The following NDE1 variants were observed in gnomAD, a reference collection of about 807,000 sequenced individuals.
NDE1 encodes the protein nudE neurodevelopment protein 1.
NDE1 carries 28 observed loss-of-function variants against 43.4 expected under a neutral mutation model. That is an observed-to-expected ratio of 0.65 (90% CI 0.48 to 0.89). NDE1 has a LOEUF of 0.89. Ranked by LOEUF, NDE1 falls within the 40% of genes least tolerant of loss-of-function variation. The pLI, the probability that NDE1 is intolerant of heterozygous loss-of-function variation, is 0.00. For synonymous variants in NDE1, 184 were observed against 172.0 expected, an observed-to-expected ratio of 1.07 and a Z score of -0.55; for missense variants, 441 against 434.1, an observed-to-expected ratio of 1.02 and a Z score of -0.14.
At chr16:15,655,424 C>A (rs1299917907) in intron 1 of NDE1, among the ~76,000 whole-genome samples, 2 of 152,294 alleles carry the variant, frequency 1.3e-5, no homozygotes, top group South Asian at 4.1e-4. Flanking sequence ...GGATTACAGG[C>A]GTGAGCCATC....
intron 8 of NDE1, chr16:15,702,212 C>G (rs887275177): frequency 1.3e-5 from 2 of 152,174 alleles, no homozygotes; most frequent in Admixed American, 6.5e-5. Flanking sequence ...TGAACAGAGC[C>G]TTTGCAGGCA....
intron 4 of NDE1, chr16:15,686,451 C>A (rs551528913): frequency 3.0e-6 from 3 of 985,408 alleles, no homozygotes; most frequent in Non-Finnish European, 3.6e-6. Context: ...GTGAGCAGGG[C>A]AGCTGGGCTG....
intron 7 of NDE1, chr16:15,695,821 C>A: frequency 3.5e-6 from 2 of 565,908 alleles, no homozygotes; most frequent in Non-Finnish European, 4.5e-6. Context: ...TATAGAGAAG[C>A]CTGGGGTGCT....
chr16:15,673,447 T>A (rs1221032356), intron 3 of NDE1, among the ~76,000 whole-genome samples: 1 of 152,030 alleles, frequency 6.6e-6, no homozygotes. Flanking sequence ...TCAAGTGATC[T>A]GCCCGCCTTG....
upstream of NDE1, among the ~76,000 whole-genome samples, chr16:15,646,530 G>A (rs147719537): frequency 0.044 from 6,716 of 151,662 alleles, 219 homozygotes; most frequent in Middle Eastern, 0.088. Context: ...GCGGTGAGCC[G>A]AGATCGTGCC....
At chr16:15,658,732 C>T (rs944623521) in intron 1 of NDE1, among the ~76,000 whole-genome samples, 8 of 152,174 alleles carry the variant, frequency 5.3e-5, no homozygotes, top group Admixed American at 1.3e-4. Flanking sequence ...TCGTGGTTCA[C>T]TGCAACCTCT....
intron 6 of NDE1, among the ~76,000 whole-genome samples, chr16:15,692,214 A>T (rs2038789898): frequency 6.6e-6 from 1 of 152,212 alleles, no homozygotes; most frequent in African/African-American, 2.4e-5. Context: ...CCCAGGATGC[A>T]GGTGCTGTCC....
intron 6 of NDE1, among the ~76,000 whole-genome samples, chr16:15,693,483 G>A (rs2038854002): frequency 6.6e-6 from 1 of 152,138 alleles, no homozygotes; most frequent in Admixed American, 6.6e-5. Flanking sequence ...AATTTCAAAA[G>A]GATTTGTTTT....
upstream of NDE1, among the ~76,000 whole-genome samples, chr16:15,645,706 C>T (rs1184528232): frequency 6.6e-6 from 1 of 152,124 alleles, no homozygotes; most frequent in Non-Finnish European, 1.5e-5. Flanking sequence ...GCTGGGAAAA[C>T]TTTAGAGAGT....
At chr16:15,710,165 G>A (rs1007985969) in intron 8 of NDE1, among the ~76,000 whole-genome samples, 3 of 152,164 alleles carry the variant, frequency 2.0e-5, no homozygotes, top group African/African-American at 7.2e-5. Flanking sequence ...TTTGCCCTTG[G>A]CTGCCCAAGA....
At chr16:15,658,270 C>G (rs2036869334) in intron 1 of NDE1, among the ~76,000 whole-genome samples, 1 of 152,250 alleles carries the variant, frequency 6.6e-6, no homozygotes, top group African/African-American at 2.4e-5. Flanking sequence ...TGCAAAAGGT[C>G]TGGACCTGGG....
intron 1 of NDE1, among the ~76,000 whole-genome samples, chr16:15,660,802 C>T (rs2037005410): frequency 2.0e-5 from 3 of 151,988 alleles, no homozygotes; most frequent in African/African-American, 7.2e-5. Flanking sequence ...CCCTTTTTTC[C>T]CTTGAAACCG....
chr16:15,691,130 T>C lies in NDE1; in HGVS notation c.524-14T>C. The C allele has an allele frequency of 6.2e-7, 1 of 1,613,908 alleles. No homozygotes were observed. The highest frequency in any genetic ancestry group is 1.6e-4 in the Middle Eastern group (1 of 6,062). ...GCTGAGGACTTGAATTCCTGAATCC[T>C]TTTTCTGGCACAGATTTGCGGCAGG... is the stretch of plus-strand genomic sequence containing the variant. On this transcript the variant is annotated splice_polypyrimidine_tract_variant and intron_variant, in intron 5 of 8. Transcript: ENST00000396354.
rs9674337 is a variant in NDE1 at position 15,655,980 on chromosome 16, G to A, written c.-44+5686G>A. On this transcript the variant is annotated intron_variant, in intron 1 of 8. Coordinates refer to ENST00000396354, the MANE Select transcript of NDE1 (RefSeq NM_017668.3). Reference sequence around the variant, plus strand: ...AACATCACACTCTGGGGACTGTTGTGGGGTGGGGGGAGGGGGGAGGGATAG... The same window carrying A: ...AACATCACACTCTGGGGACTGTTGTAGGGTGGGGGGAGGGGGGAGGGATAG... 1.9e-3 allele frequency among the ~76,000 whole-genome samples: 243 copies of A among 128,528 alleles called. 2 individuals carry two copies. Among genetic ancestry groups the A allele is most frequent in the African/African-American group, 6.9e-3 (235 of 34,192 alleles). The allele number at this position is 128,528 out of a possible 152,430, so 84.3% of individuals were successfully genotyped here.
chr16:15,660,088 G>A (rs1006331548), intron 1 of NDE1, among the ~76,000 whole-genome samples: 1 of 152,074 alleles, frequency 6.6e-6, no homozygotes, highest in Non-Finnish European at 1.5e-5. Context: ...CTTTTGACAA[G>A]CTCAGAGCCT....
rs141443522 is a variant in NDE1 at position 15,694,771 on chromosome 16, A to C, written c.795+515A>C. On this transcript the variant is annotated intron_variant, in intron 7 of 8. Coordinates refer to ENST00000396354, the MANE Select transcript of NDE1 (RefSeq NM_017668.3). ...AGCTCTGACTCGAAGCCCTGCTCTG[A>C]ACCCTATGTATGTCTCTTTCCTTTT... 5.3e-4 allele frequency: 522 copies of C among 985,354 alleles called. 5 individuals are homozygous for C. The African/African-American group carries it at 8.4e-3, about 16-fold the overall frequency. 61.0% of individuals were successfully genotyped at this position (985,354 alleles called of 1,614,324 possible). A position where few individuals can be genotyped will look rare whatever the true frequency, so the allele number is the denominator to read the frequency against.
intron 3 of NDE1, among the ~76,000 whole-genome samples, chr16:15,674,090 G>A (rs912806821): frequency 2.6e-5 from 4 of 152,148 alleles, no homozygotes; most frequent in Admixed American, 6.6e-5. Flanking sequence ...GAATAAGTAT[G>A]TAATGGATGT....
chr16:15,703,965 C>G (rs377591580), intron 8 of NDE1: 3 of 1,613,520 alleles, frequency 1.9e-6, no homozygotes, highest in Non-Finnish European at 1.7e-6. Context: ...GTTTTCTTGC[C>G]GTGGTGCAAA....
rs1419464545 is a variant in NDE1 at position 15,676,152 on chromosome 16, CCTCT to C, written c.238-1643_238-1640del. ...CTCTCCTCTGTCTCCCTTCCTCTCT[CCTCT>C]CTCTCCCTCCCCCATTTTATCCCCT... On this transcript the variant is annotated intron_variant, in intron 3 of 8. Transcript: ENST00000396354. Among the ~76,000 whole-genome samples, 3 of 151,304 alleles carry C rather than the reference CCTCT, an allele frequency of 2.0e-5. No individual in the cohort carries two copies. In the East Asian group the frequency reaches 5.8e-4, roughly 29 times the overall value.
Sources: allele counts gnomAD v4.1 joint callset (sites outside exome capture counted in the v4.1 genomes callset), GRCh38; gene constraint gnomAD v4.1.1; transcripts MANE v1.5; gene names NCBI Gene and HGNC (gene_info 2026-07-23, HGNC 2026-07-21).